ABCF2: variants seen among roughly 807,000 people sequenced by gnomAD.
ABCF2 encodes ATP-binding cassette sub-family F member 2.
ABCF2 carries 37 observed loss-of-function variants against 76.9 expected under a neutral mutation model. The observed-to-expected ratio is 0.48, with a 90% CI of 0.37 to 0.63. The LOEUF (loss-of-function observed/expected upper bound fraction) is 0.63. Ranked by LOEUF, ABCF2 falls within the 30% of genes least tolerant of loss-of-function variation. The probability of loss-of-function intolerance (pLI) is 0.00; values close to 1 mark genes in which losing one functional copy is unlikely to be tolerated. For missense variants in ABCF2, 524 were observed against 782.1 expected (o/e 0.67, Z 3.94); for synonymous variants, 299 against 283.7 (o/e 1.05, Z -0.54).
intron 10 of ABCF2, 143 bp downstream of exon 10, chr7:151,218,418 G>A (rs542215499): frequency 5.6e-5 from 43 of 767,630 alleles, no homozygotes; most frequent in African/African-American, 5.1e-4. Flanking sequence ...AGCCTTGGAT[G>A]AGGCACCCCA....
At chr7:151,216,298 G>A (rs1423394375) in intron 11 of ABCF2, among the ~76,000 whole-genome samples, 2 of 152,192 alleles carry the variant, frequency 1.3e-5, no homozygotes, top group Non-Finnish European at 2.9e-5. Flanking sequence ...AAAGGACTTG[G>A]ATGTAGGTGC....
chr7:151,216,992 TG>T (rs1333437534), intron 11 of ABCF2, among the ~76,000 whole-genome samples: 1 of 152,234 alleles, frequency 6.6e-6, no homozygotes, highest in African/African-American at 2.4e-5. Context: ...AAGGGAAAAC[TG>T]TAAGGAGCAC....
chr7:151,222,742 AG>A, intron 5 of ABCF2, 126 bp from the exon 6 acceptor site: 3 of 671,510 alleles, frequency 4.5e-6, no homozygotes, highest in Non-Finnish European at 7.6e-6. Flanking sequence ...AATCAATTTT[AG>A]GCTCTATACC....
chr7:151,223,365 A>G (rs1802309834), intron 5 of ABCF2, among the ~76,000 whole-genome samples: 1 of 152,174 alleles, frequency 6.6e-6, no homozygotes, highest in African/African-American at 2.4e-5. Flanking sequence ...CTAGAGTACA[A>G]AAAGGGTGGA....
At chr7:151,221,732 G>T in intron 6 of ABCF2, 52 bp from the exon 7 acceptor site, 1 of 1,328,300 alleles carries the variant, frequency 7.5e-7, no homozygotes, top group Non-Finnish European at 1.1e-6. Flanking sequence ...GGAGCTAGCT[G>T]ACAACAGGTG....
rs928392735 is a variant in ABCF2 at position 151,212,406 on chromosome 7, G to A, written c.*1648C>T. On this transcript the variant is annotated 3_prime_UTR_variant, in exon 15 of 15. Coordinates refer to ENST00000287844, the MANE Select transcript of ABCF2 (RefSeq NM_007189.3). ...ATCCCAATAGGAAGAGAGGTTCACAGACGTTGGTGTGAAAATGCAAACTCC... is the reference window on the plus strand; with the variant it reads ...ATCCCAATAGGAAGAGAGGTTCACAAACGTTGGTGTGAAAATGCAAACTCC... The A allele has an allele frequency of 2.7e-5, 27 of 985,480 alleles. No homozygotes were observed. The African/African-American group carries it at 4.5e-4, about 17-fold the overall frequency. 61.0% of individuals were successfully genotyped at this position (985,480 alleles called of 1,614,324 possible).
chr7:151,224,852 A>C lies in ABCF2; in HGVS notation c.291T>G (p.Gly97=), dbSNP rs756930787. ...HIINLSLTFH[G]QELLSDTKLE... is the part of the protein sequence containing the mutation. ...GTTTGGTGTCACTGAGCAGCTCTTG[A>C]CCATGAAAGGTAAGTGAGAGGTTGA... Residue 97 remains glycine (G), a synonymous_variant, in exon 3 of 15, where the codon GGT becomes GGG. Transcript: ENST00000287844. 5.0e-6 allele frequency: 8 copies of C among 1,614,208 alleles called. No homozygotes were observed. Among genetic ancestry groups the C allele is most frequent in the Non-Finnish European group, 6.8e-6 (8 of 1,180,036 alleles).
In ABCF2 at chr7:151,212,162, C is replaced by T; in HGVS notation, c.*1892G>A. 5 of 985,424 alleles carry T rather than the reference C, an allele frequency of 5.1e-6. No individual in the cohort carries two copies. Among genetic ancestry groups the T allele is most frequent in the African/African-American group, 1.7e-5 (1 of 57,350 alleles). The allele number at this position is 985,424 out of a possible 1,614,324, so 61.0% of individuals were successfully genotyped here. A position where few individuals can be genotyped will look rare whatever the true frequency, so the allele number is the denominator to read the frequency against. ...GGACAGTTGCTCCCGCCAGTCCTGG[C>T]TGTATTATGAGTACTGAAAAATCAT... On this transcript the variant is annotated 3_prime_UTR_variant, in exon 15 of 15. Coordinates refer to ENST00000287844, the MANE Select transcript of ABCF2 (RefSeq NM_007189.3).
intron 3 of ABCF2, 145 bp from the exon 4 acceptor site, chr7:151,224,259 C>A: frequency 6.3e-6 from 5 of 796,414 alleles, no homozygotes; most frequent in Non-Finnish European, 9.9e-6. Flanking sequence ...TCAAATCTTG[C>A]CAGCCCCCAT....
intron 7 of ABCF2, among the ~76,000 whole-genome samples, chr7:151,220,157 C>T (rs746156995): frequency 4.0e-5 from 6 of 150,622 alleles, no homozygotes; most frequent in African/African-American, 1.2e-4. Flanking sequence ...TTTGGGAGGC[C>T]GAGGCAGGCG....
Position 151,226,285 on chromosome 7 carries a change from TCA to T in ABCF2, c.154+18_154+19del. 1 of 1,611,168 alleles carries T rather than the reference TCA, an allele frequency of 6.2e-7. No homozygotes were observed. The highest frequency in any genetic ancestry group is 8.5e-7 in the Non-Finnish European group (1 of 1,178,304). ...TTAAGTCTTAGCAACCATCCCCAACTCACCCCTCCCTCAATTCACCTGTGGTC... is the reference window on the plus strand; with the variant it reads ...TTAAGTCTTAGCAACCATCCCCAACTCCCCTCCCTCAATTCACCTGTGGTC... On this transcript the variant is annotated intron_variant, in intron 2 of 14. Transcript: ENST00000287844.
rs1563620453 is a variant in ABCF2 at position 151,226,558 on chromosome 7, G to A, written c.-42-58C>T. On this transcript the variant is annotated intron_variant, in intron 1 of 14. Coordinates refer to ENST00000287844, the MANE Select transcript of ABCF2 (RefSeq NM_007189.3). ...TAAACTTACTAGTAAGAATGCCTGGGCCCTGCTCCATCCCTCTCAGGAATC... is the reference window on the plus strand; with the variant it reads ...TAAACTTACTAGTAAGAATGCCTGGACCCTGCTCCATCCCTCTCAGGAATC... The A allele has an allele frequency of 1.3e-5, 16 of 1,269,316 alleles. No homozygotes were observed. The East Asian group carries it at 3.9e-4, about 31-fold the overall frequency. The allele number at this position is 1,269,316 out of a possible 1,614,324, so 78.6% of individuals were successfully genotyped here. A position where few individuals can be genotyped will look rare whatever the true frequency, so the allele number is the denominator to read the frequency against.
chr7:151,222,711 G>A, intron 5 of ABCF2, 95 bp from the exon 6 acceptor site: 1 of 932,946 alleles, frequency 1.1e-6, no homozygotes, highest in South Asian at 1.5e-5. Context: ...ATTCTGAGTA[G>A]GCTCCTGGCT....
chr7:151,211,905 A>G lies in ABCF2; in HGVS notation c.*2149T>C. 1 of 985,452 alleles carries G rather than the reference A, an allele frequency of 1.0e-6. No individual in the cohort carries two copies. The highest frequency in any genetic ancestry group is 4.7e-5 in the South Asian group (1 of 21,290). 61.0% of individuals were successfully genotyped at this position (985,452 alleles called of 1,614,324 possible). A position where few individuals can be genotyped will look rare whatever the true frequency, so the allele number is the denominator to read the frequency against. On this transcript the variant is annotated 3_prime_UTR_variant, in exon 15 of 15. Coordinates refer to ENST00000287844, the MANE Select transcript of ABCF2 (RefSeq NM_007189.3). ...CGGGAGGCTCCTGTCCCTGTTGCCCAGGGCAGCTCCTGGACTTTGTGGCCA... is the reference window on the plus strand; with the variant it reads ...CGGGAGGCTCCTGTCCCTGTTGCCCGGGGCAGCTCCTGGACTTTGTGGCCA...
chr7:151,215,841 A>T lies in ABCF2; in HGVS notation c.1402-109T>A. 6.3e-7 allele frequency: 1 copy of T among 1,590,052 alleles called. No homozygotes were observed. The stretch of plus-strand genomic sequence containing the variant: ...CCAGGCACCTGTTCTGGGTTCAAGA[A>T]GCAGGTAGGAGCCACCTAGGCTGGA... On this transcript the variant is annotated intron_variant, in intron 12 of 14. Transcript: ENST00000287844. The surrounding 1 kb of genome is among the most constrained non-coding windows in gnomAD (Gnocchi z 4.6).
chr7:151,211,971 A>G lies in ABCF2; in HGVS notation c.*2083T>C. 1.0e-6 allele frequency: 1 copy of G among 982,704 alleles called. No individual in the cohort carries two copies. Among genetic ancestry groups the G allele is most frequent in the Non-Finnish European group, 1.2e-6 (1 of 827,472 alleles). The allele number at this position is 982,704 out of a possible 1,614,324, so 60.9% of individuals were successfully genotyped here. A position where few individuals can be genotyped will look rare whatever the true frequency, so the allele number is the denominator to read the frequency against. Reference sequence around the variant, plus strand: ...CTCATTTTTCAAGTGAGAGCACACCAATTCCACCTTTCTGGGCAGCTACTC... The same window carrying G: ...CTCATTTTTCAAGTGAGAGCACACCGATTCCACCTTTCTGGGCAGCTACTC... On this transcript the variant is annotated 3_prime_UTR_variant, in exon 15 of 15. Coordinates refer to ENST00000287844, the MANE Select transcript of ABCF2 (RefSeq NM_007189.3).
At position 151,213,934 on chromosome 7, in the gene ABCF2, G is replaced by A. The variant is rs1802099474; in HGVS notation, c.*120C>T. 2.7e-6 allele frequency: 4 copies of A among 1,506,846 alleles called. No individual in the cohort carries two copies. Among genetic ancestry groups the A allele is most frequent in the African/African-American group, 1.4e-5 (1 of 71,730 alleles). 93.3% of individuals were successfully genotyped at this position (1,506,846 alleles called of 1,614,324 possible). ...CAGGTTGAGGGGCAGGGGAGAGGCTGGGGGAGCAGTATTGCAGCAATGCAG... is the reference window on the plus strand; with the variant it reads ...CAGGTTGAGGGGCAGGGGAGAGGCTAGGGGAGCAGTATTGCAGCAATGCAG... On this transcript the variant is annotated 3_prime_UTR_variant, in exon 15 of 15. Coordinates refer to ENST00000287844, the MANE Select transcript of ABCF2 (RefSeq NM_007189.3).
chr7:151,222,563 A>T lies in ABCF2; in HGVS notation c.776T>A (p.Leu259Gln). The change falls in exon 6 of 15, where the codon CTG (leucine) becomes CAG (glutamine). Residue 259 changes from leucine (L) to glutamine (Q), a missense_variant. Physicochemically the swap from Leu to Gln is moderately radical, Grantham distance 113. This residue lies in a region of ABCF2 where 330 missense variants were observed against 433.6 expected (regional missense o/e 0.76). Coordinates refer to ENST00000287844, the MANE Select transcript of ABCF2 (RefSeq NM_007189.3). Reference protein sequence around the residue: ...MLLLDEPTNHLDLDACVWLEE... With the variant: ...MLLLDEPTNHQDLDACVWLEE... ...CAACCACACGCAAGCATCTAGGTCCAGGTGGTTGGTAGGCTCATCCAGGAG... is the reference window on the plus strand; with the variant it reads ...CAACCACACGCAAGCATCTAGGTCCTGGTGGTTGGTAGGCTCATCCAGGAG... The T allele has an allele frequency of 1.2e-6, 2 of 1,613,980 alleles. No homozygotes were observed. The highest frequency in any genetic ancestry group is 1.7e-6 in the Non-Finnish European group (2 of 1,179,912).
Position 151,212,684 on chromosome 7 carries a change from T to C in ABCF2, c.*1370A>G. The C allele has an allele frequency of 5.5e-6, 1 of 182,694 alleles. No homozygotes were observed. The allele number at this position is 182,694 out of a possible 1,614,324, so 11.3% of individuals were successfully genotyped here. On this transcript the variant is annotated 3_prime_UTR_variant, in exon 15 of 15. Coordinates refer to ENST00000287844, the MANE Select transcript of ABCF2 (RefSeq NM_007189.3). ...TTTATTACTATTTGTAGAGAAGGGG[T>C]CTCCCTACTTTGCCCAGGCTGGTCT...
Sources: allele counts gnomAD v4.1 joint callset (sites outside exome capture counted in the v4.1 genomes callset), GRCh38; gene constraint gnomAD v4.1.1; regional missense constraint gnomAD v4.1.1; non-coding constraint Gnocchi (gnomAD v3.1); transcripts MANE v1.5; gene names NCBI Gene and HGNC (gene_info 2026-07-23, HGNC 2026-07-21).